GNAI3: variants seen among roughly 807,000 people sequenced by gnomAD.
The protein encoded by GNAI3 is guanine nucleotide-binding protein G(i) subunit alpha-3.
A neutral mutation model predicts 41.8 loss-of-function variants in GNAI3; 12 were observed. The observed-to-expected ratio is 0.29, with a 90% CI of 0.18 to 0.47. The LOEUF (loss-of-function observed/expected upper bound fraction) is 0.47, where lower values mean the gene tolerates loss of function less well. Ranked by LOEUF, GNAI3 falls within the 20% of genes least tolerant of loss-of-function variation. The pLI, the probability that GNAI3 is intolerant of heterozygous loss-of-function variation, is 1.00. For synonymous variants in GNAI3, 132 were observed against 146.5 expected (o/e 0.90, Z 0.71); for missense variants, 360 against 429.6 (o/e 0.84, Z 1.43).
intron 3 of GNAI3, among the ~76,000 whole-genome samples, chr1:109,575,086 A>G (rs1648700990): frequency 6.6e-6 from 1 of 152,268 alleles, no homozygotes; most frequent in South Asian, 2.1e-4. Context: ...ACTTGTATCA[A>G]AAAATAAGAA....
Position 109,594,646 on chromosome 1 carries a change from A to ATTTTTTTTTTT in GNAI3, c.*2338_*2348dup, listed in dbSNP as rs34268993. Reference sequence around the variant, plus strand: ...CTTTTGGCTGGTGGGCTGGCAATCGATTTTTTTTTTTTTTTTTTTTTTTTG... The same window carrying ATTTTTTTTTTT: ...CTTTTGGCTGGTGGGCTGGCAATCGATTTTTTTTTTTTTTTTTTTTTTTTTTTTTTTTTTTG... On this transcript the variant is annotated 3_prime_UTR_variant, in exon 9 of 9. Coordinates refer to ENST00000369851, the MANE Select transcript of GNAI3 (RefSeq NM_006496.4). 1 of 90,586 alleles carries ATTTTTTTTTTT rather than the reference A, an allele frequency of 1.1e-5. No homozygotes were observed. The highest frequency in any genetic ancestry group is 2.2e-5 in the Non-Finnish European group (1 of 44,756). The allele number at this position is 90,586 out of a possible 1,614,324, so 5.6% of individuals were successfully genotyped here.
At chr1:109,571,640 G>A (rs535524133) in intron 1 of GNAI3, among the ~76,000 whole-genome samples, 83 of 152,254 alleles carry the variant, frequency 5.5e-4, no homozygotes, top group African/African-American at 1.8e-3. Context: ...GATTAGGGCC[G>A]GGTGCGATTG....
At chr1:109,585,504 T>C (rs565085957) in intron 5 of GNAI3, among the ~76,000 whole-genome samples, 45 of 152,198 alleles carry the variant, frequency 3.0e-4, no homozygotes, top group Non-Finnish European at 5.6e-4. Flanking sequence ...AAAAATATAA[T>C]TTATTTGTTT....
intron 1 of GNAI3, among the ~76,000 whole-genome samples, chr1:109,555,963 C>CGTGCGTGCGTGCGTGCGTGT (rs1163257606): frequency 6.9e-6 from 1 of 144,534 alleles, no homozygotes; most frequent in African/African-American, 2.6e-5. Context: ...TGCGTGCGTG[C>CGTGCGTGCGTGCGTGCGTGT]GTGTGTGTGT....
chr1:109,573,831 A>AT lies in GNAI3; in HGVS notation c.161+52_161+53insT, dbSNP rs771554647. On this transcript the variant is annotated intron_variant, in intron 2 of 8. Coordinates refer to ENST00000369851, the MANE Select transcript of GNAI3 (RefSeq NM_006496.4). ...GACTAGGATTTCTCCTAATGCATATAAAGTCCATAGTATCTTTTCATTTTA... is the reference window on the plus strand; with the variant it reads ...GACTAGGATTTCTCCTAATGCATATATAAGTCCATAGTATCTTTTCATTTTA... The AT allele has an allele frequency of 5.0e-5, 79 of 1,591,066 alleles. No homozygotes were observed. In the Middle Eastern group the frequency reaches 6.6e-4, roughly 13 times the overall value.
In GNAI3 at chr1:109,598,812, C is replaced by A. The variant is rs1387667094; in HGVS notation, c.*6490C>A. 2 of 510,246 alleles carry A rather than the reference C, an allele frequency of 3.9e-6. No individual in the cohort carries two copies. The highest frequency in any genetic ancestry group is 8.3e-6 in the Non-Finnish European group (2 of 241,452). 31.6% of individuals were successfully genotyped at this position (510,246 alleles called of 1,614,324 possible). A position where few individuals can be genotyped will look rare whatever the true frequency, so the allele number is the denominator to read the frequency against. ...TCACAGAAATGTTTTCATGCTTTTACCTAGCAGGACCACCAGAGGCTCTGT... is the reference window on the plus strand; with the variant it reads ...TCACAGAAATGTTTTCATGCTTTTAACTAGCAGGACCACCAGAGGCTCTGT... On this transcript the variant is annotated 3_prime_UTR_variant, in exon 9 of 9. Transcript: ENST00000369851.
chr1:109,580,529 A>G (rs1309313971), intron 4 of GNAI3, among the ~76,000 whole-genome samples: 2 of 152,210 alleles, frequency 1.3e-5, no homozygotes, highest in Non-Finnish European at 2.9e-5. Context: ...ATGCATCATT[A>G]GGTGATTTGT....
intron 1 of GNAI3, among the ~76,000 whole-genome samples, chr1:109,571,128 C>T (rs1380255651): frequency 5.3e-5 from 8 of 152,114 alleles, no homozygotes; most frequent in Non-Finnish European, 5.9e-5. Flanking sequence ...TTGGCTTGAG[C>T]AACTGGTGAA....
intron 1 of GNAI3, among the ~76,000 whole-genome samples, chr1:109,562,924 A>G (rs1177963866): frequency 6.6e-6 from 1 of 152,218 alleles, no homozygotes; most frequent in Non-Finnish European, 1.5e-5. Context: ...GTTAAAATGA[A>G]ATATTTGGAT....
intron 1 of GNAI3, among the ~76,000 whole-genome samples, chr1:109,567,726 C>T (rs1648493349): frequency 6.6e-6 from 1 of 152,120 alleles, no homozygotes; most frequent in Non-Finnish European, 1.5e-5. Flanking sequence ...GAGGCCTTAA[C>T]GTTACTTGGT....
intron 1 of GNAI3, among the ~76,000 whole-genome samples, chr1:109,571,874 C>G (rs990263945): frequency 1.3e-4 from 20 of 150,032 alleles, no homozygotes; most frequent in African/African-American, 4.7e-4. Context: ...GCCAAGATTG[C>G]GCCACTGCAC....
At chr1:109,548,882 T>A in intron 1 of GNAI3, 44 bp downstream of exon 1, 1 of 1,324,200 alleles carries the variant, frequency 7.6e-7, no homozygotes, top group Non-Finnish European at 1.1e-6. Context: ...CGGGAGAGCC[T>A]AGGCGCTTGG....
rs1649215663 is a variant in GNAI3, at chr1:109,593,307, A to G, written c.*985A>G. 6.6e-6 allele frequency: 1 copy of G among 152,670 alleles called. No individual in the cohort carries two copies. The highest frequency in any genetic ancestry group is 6.5e-5 in the Admixed American group (1 of 15,284). 9.5% of individuals were successfully genotyped at this position (152,670 alleles called of 1,614,324 possible). On this transcript the variant is annotated 3_prime_UTR_variant, in exon 9 of 9. Transcript: ENST00000369851. Reference sequence around the variant, plus strand: ...TGTTGAGAAACATCTAAAGTGTATTAACAGTGCATGCTTTTACTTTGTAAA... The same window carrying G: ...TGTTGAGAAACATCTAAAGTGTATTGACAGTGCATGCTTTTACTTTGTAAA...
intron 4 of GNAI3, among the ~76,000 whole-genome samples, chr1:109,580,466 A>G (rs1648864735): frequency 6.6e-6 from 1 of 152,198 alleles, no homozygotes; most frequent in Non-Finnish European, 1.5e-5. Flanking sequence ...TTACAAGAAG[A>G]AATTAAATGA....
intron 1 of GNAI3, among the ~76,000 whole-genome samples, chr1:109,555,726 C>T (rs1291891350): frequency 6.6e-6 from 1 of 152,114 alleles, no homozygotes; most frequent in Non-Finnish European, 1.5e-5. Flanking sequence ...AGTTTTTAGG[C>T]AGTTGTCTCT....
Position 109,586,816 on chromosome 1 carries a change from A to C in GNAI3, c.808A>C (p.Lys270Gln). Residue 270 changes from lysine to glutamine, a missense_variant, in exon 7 of 9, where the codon AAG becomes CAG. Coordinates refer to ENST00000369851, the MANE Select transcript of GNAI3 (RefSeq NM_006496.4). ...TETSIILFLN[K>Q]KDLFEEKIKR... Reference sequence around the variant, plus strand: ...AACTTCAATCATTCTCTTCCTTAACAAGAAAGACCTTTTTGAGGAAAAAAT... The same window carrying C: ...AACTTCAATCATTCTCTTCCTTAACCAGAAAGACCTTTTTGAGGAAAAAAT... The C allele has an allele frequency of 6.3e-7, 1 of 1,597,638 alleles. No individual in the cohort carries two copies. Among genetic ancestry groups the C allele is most frequent in the Non-Finnish European group, 8.6e-7 (1 of 1,165,228 alleles).
In GNAI3 at chr1:109,598,967, C is replaced by T. The variant is rs773085486; in HGVS notation, c.*6645C>T. 11 of 534,606 alleles carry T rather than the reference C, an allele frequency of 2.1e-5. No individual in the cohort carries two copies. The highest frequency in any genetic ancestry group is 3.9e-5 in the African/African-American group (2 of 51,896). The allele number at this position is 534,606 out of a possible 1,614,324, so 33.1% of individuals were successfully genotyped here. Reference sequence around the variant, plus strand: ...CACCACCTTCTCCACCCAGCATGGCCGGCACACTTTGGTCTACGGCACATC... The same window carrying T: ...CACCACCTTCTCCACCCAGCATGGCTGGCACACTTTGGTCTACGGCACATC... On this transcript the variant is annotated 3_prime_UTR_variant, in exon 9 of 9. Coordinates refer to ENST00000369851, the MANE Select transcript of GNAI3 (RefSeq NM_006496.4).
chr1:109,548,621 G>C lies in GNAI3; in HGVS notation c.-100G>C, dbSNP rs552129477. The C allele has an allele frequency of 7.9e-5, 60 of 755,124 alleles. No homozygotes were observed. The East Asian group carries it at 1.3e-3, about 16-fold the overall frequency. The allele number at this position is 755,124 out of a possible 1,614,324, so 46.8% of individuals were successfully genotyped here. A position where few individuals can be genotyped will look rare whatever the true frequency, so the allele number is the denominator to read the frequency against. ...TCTGGGCGCTAAGGGAGCTGACGGAGAGGGCCACCGCCCAGCAATAGACGG... is the reference window on the plus strand; with the variant it reads ...TCTGGGCGCTAAGGGAGCTGACGGACAGGGCCACCGCCCAGCAATAGACGG... On this transcript the variant is annotated 5_prime_UTR_variant, in exon 1 of 9. Coordinates refer to ENST00000369851, the MANE Select transcript of GNAI3 (RefSeq NM_006496.4).
intron 7 of GNAI3, chr1:109,591,566 C>T (rs1649172472): frequency 1.5e-6 from 1 of 647,960 alleles, no homozygotes; most frequent in Non-Finnish European, 2.8e-6. Flanking sequence ...ATTTGCGTGT[C>T]ATCCTTGCGC....
Sources: gnomAD v4.1 joint callset for allele counts (sites outside exome capture counted in the v4.1 genomes callset) on GRCh38, gnomAD v4.1.1 for gene constraint, MANE v1.5 for transcripts, NCBI Gene and HGNC (gene_info 2026-07-23, HGNC 2026-07-21) for gene names.